FAM228B: variants seen among roughly 807,000 people sequenced by gnomAD.
The protein encoded by FAM228B is family with sequence similarity 228 member B.
FAM228B carries 38 observed loss-of-function variants against 42.6 expected under a neutral mutation model. The ratio of observed to expected loss-of-function variants is 0.89; its 90% CI spans 0.69 to 1.17. FAM228B has a LOEUF of 1.17. Ranked by LOEUF, FAM228B falls within the 50% of genes most tolerant of loss-of-function variation. The pLI is 0.00. For synonymous variants in FAM228B, 109 were observed against 122.3 expected (o/e 0.89, Z 0.72); for missense variants, 344 against 367.3 (o/e 0.94, Z 0.52).
intron 2 of FAM228B, among the ~76,000 whole-genome samples, chr2:24,094,057 T>TA (rs1553326323): frequency 3.9e-5 from 4 of 101,360 alleles, no homozygotes; most frequent in African/African-American, 1.3e-4. Context: ...TTTTTTTTTT[T>TA]AAGACAGGGT....
intron 5 of FAM228B, among the ~76,000 whole-genome samples, chr2:24,140,538 A>G (rs1666718370): frequency 6.6e-6 from 1 of 152,212 alleles, no homozygotes; most frequent in Non-Finnish European, 1.5e-5. Flanking sequence ...AAACCAATTA[A>G]CATACATTGC....
chr2:24,159,219 A>T (rs1393158375), intron 7 of FAM228B, among the ~76,000 whole-genome samples: 1 of 152,244 alleles, frequency 6.6e-6, no homozygotes, highest in Admixed American at 6.5e-5. Flanking sequence ...GATGCCAGGG[A>T]TTAGGATTTG....
intron 8 of FAM228B, among the ~76,000 whole-genome samples, chr2:24,162,306 A>G (rs1170537452): frequency 1.3e-5 from 2 of 152,210 alleles, no homozygotes; most frequent in East Asian, 3.8e-4. Context: ...ACCTAGAGTG[A>G]AAGATGTTGT....
intron 5 of FAM228B, among the ~76,000 whole-genome samples, chr2:24,143,528 G>T (rs903714075): frequency 1.5e-4 from 23 of 152,098 alleles, no homozygotes; most frequent in Admixed American, 9.2e-4. Flanking sequence ...TCTCTATATG[G>T]ATTTTCTTCA....
intron 2 of FAM228B, among the ~76,000 whole-genome samples, chr2:24,130,250 A>T (rs1666423807): frequency 6.6e-6 from 1 of 152,192 alleles, no homozygotes; most frequent in Admixed American, 6.5e-5. Context: ...TTGCTATTGT[A>T]AATAGTGCTG....
upstream of FAM228B, among the ~76,000 whole-genome samples, chr2:24,122,007 A>T (rs1172214942): frequency 3.3e-5 from 5 of 152,188 alleles, no homozygotes; most frequent in Non-Finnish European, 7.3e-5. Flanking sequence ...TAAAATATTT[A>T]TGTAGCTCTT....
intron 3 of FAM228B, among the ~76,000 whole-genome samples, chr2:24,104,361 G>T (rs139805634): frequency 6.6e-6 from 1 of 152,232 alleles, no homozygotes; most frequent in Non-Finnish European, 1.5e-5. Flanking sequence ...TATAAGCCTT[G>T]GGCCCTGGGG....
intron 3 of FAM228B, chr2:24,115,356 T>C (rs551304684): frequency 2.8e-5 from 15 of 539,046 alleles, no homozygotes; most frequent in African/African-American, 2.7e-4. Flanking sequence ...AAATGATCAG[T>C]GCTCTCTCAT....
chr2:24,164,203 A>C lies in FAM228B; in HGVS notation c.800A>C (p.Lys267Thr). The stretch of plus-strand genomic sequence containing the variant: ...TTTCTGGTTCCTTCCTGCAGAAACA[A>C]AGGGTCATCCTTTCTAGAAAGAGAA... ...EEEKTVIYKN[K>T]GSSFLEREPL... The change falls in exon 9 of 11, where the codon AAA becomes ACA. Residue 267 changes from lysine to threonine, a missense_variant. By Grantham distance (78) the Lys-to-Thr change is moderately conservative. Coordinates refer to ENST00000615575, the MANE Select transcript of FAM228B (RefSeq NM_001145710.2). The C allele has an allele frequency of 1.3e-6, 2 of 1,549,528 alleles. No homozygotes were observed. Among genetic ancestry groups the C allele is most frequent in the Non-Finnish European group, 1.7e-6 (2 of 1,145,696 alleles).
intron 2 of FAM228B, chr2:24,081,016 C>T: frequency 6.2e-7 from 1 of 1,612,918 alleles, no homozygotes; most frequent in Non-Finnish European, 8.5e-7. Flanking sequence ...CACATAGTCT[C>T]CAGCCTGAAC....
intron 7 of FAM228B, among the ~76,000 whole-genome samples, chr2:24,153,876 A>G (rs1667073575): frequency 6.6e-6 from 1 of 152,208 alleles, no homozygotes; most frequent in African/African-American, 2.4e-5. Context: ...TCAAGTTCCA[A>G]TCACTGGGAT....
chr2:24,094,064 G>C (rs1665449208), intron 2 of FAM228B, among the ~76,000 whole-genome samples: 1 of 140,858 alleles, frequency 7.1e-6, no homozygotes, highest in Admixed American at 7.2e-5. Context: ...TTTTAAGACA[G>C]GGTCTTGCTG....
At chr2:24,129,963 C>T (rs1453078543) in intron 2 of FAM228B, among the ~76,000 whole-genome samples, 1 of 152,002 alleles carries the variant, frequency 6.6e-6, no homozygotes, top group Non-Finnish European at 1.5e-5. Flanking sequence ...CACCTCCCCT[C>T]ACCCCCAGCC....
intron 3 of FAM228B, among the ~76,000 whole-genome samples, chr2:24,113,086 C>G (rs1226349916): frequency 6.6e-6 from 1 of 152,116 alleles, no homozygotes; most frequent in Non-Finnish European, 1.5e-5. Context: ...TTGCCTTCCC[C>G]ACTAAATTGT....
chr2:24,157,131 T>G (rs2151028787), intron 7 of FAM228B, among the ~76,000 whole-genome samples: 1 of 152,310 alleles, frequency 6.6e-6, no homozygotes, highest in Non-Finnish European at 1.5e-5. Flanking sequence ...ATTTGCATGG[T>G]TTTGAGGGTT....
intron 1 of FAM228B, chr2:24,079,275 T>C: frequency 9.2e-6 from 6 of 651,022 alleles, no homozygotes; most frequent in Non-Finnish European, 1.6e-5. Context: ...TATCAACCAA[T>C]CTGAATCAGT....
intron 9 of FAM228B, chr2:24,165,508 G>A: frequency 2.1e-6 from 1 of 470,352 alleles, no homozygotes; most frequent in Non-Finnish European, 4.4e-6. Context: ...ACGGTCAGCT[G>A]CATGCCTGTT....
intron 3 of FAM228B, among the ~76,000 whole-genome samples, chr2:24,136,883 C>T (rs1573767680): frequency 6.6e-6 from 1 of 152,164 alleles, no homozygotes; most frequent in African/African-American, 2.4e-5. Flanking sequence ...TTTTTCCTTA[C>T]TCCAAACTGA....
chr2:24,119,460 C>T, upstream of FAM228B: 1 of 700,330 alleles, frequency 1.4e-6, no homozygotes, highest in East Asian at 2.7e-5. Context: ...ACCTCAGCAT[C>T]CTTCCAATAA....
Sources: gnomAD v4.1 joint callset for allele counts (sites outside exome capture counted in the v4.1 genomes callset) on GRCh38, gnomAD v4.1.1 for gene constraint, MANE v1.5 for transcripts, NCBI Gene and HGNC (gene_info 2026-07-23, HGNC 2026-07-21) for gene names.